SRFBP1: variants seen among roughly 807,000 people sequenced by gnomAD.
The protein encoded by SRFBP1 is serum response factor binding protein 1, also known as serum response factor-binding protein 1.
Under a neutral mutation model 45.5 loss-of-function variants are expected in SRFBP1, and 47 were observed. The ratio of observed to expected loss-of-function variants is 1.03; its 90% CI spans 0.82 to 1.32. SRFBP1 has a LOEUF of 1.32. Ranked by LOEUF, SRFBP1 falls within the 40% of genes most tolerant of loss-of-function variation. The probability of loss-of-function intolerance (pLI) is 0.00; values close to 1 mark genes in which losing one functional copy is unlikely to be tolerated. For missense variants in SRFBP1, 621 were observed against 484.6 expected (o/e 1.28, Z -2.64); for synonymous variants, 203 against 166.3 (o/e 1.22, Z -1.70).
downstream of SRFBP1, among the ~76,000 whole-genome samples, chr5:122,033,166 G>GT (rs1033074260): frequency 2.4e-3 from 353 of 148,408 alleles, 1 homozygote; most frequent in African/African-American, 7.8e-3. Context: ...ACTGGTGAGG[G>GT]TTTTTTTTTC....
chr5:121,972,104 A>G (rs1413576323), intron 1 of SRFBP1, among the ~76,000 whole-genome samples: 1 of 151,976 alleles, frequency 6.6e-6, no homozygotes, highest in Non-Finnish European at 1.5e-5. Flanking sequence ...TTTAAAAATC[A>G]GTGGGAAACA....
chr5:122,070,639 A>C (rs769622148), intron 2 of SRFBP1: 1 of 920,728 alleles, frequency 1.1e-6, no homozygotes, highest in South Asian at 1.6e-5. Context: ...TGGTCAGACT[A>C]TGATAAATAA....
chr5:122,065,788 T>G (rs960762990), intron 2 of SRFBP1: 2 of 152,070 alleles, frequency 1.3e-5, no homozygotes, highest in South Asian at 2.1e-4. Context: ...CAGTTGTGGT[T>G]TGGGGGGGAC....
At chr5:122,077,634 T>C, downstream of SRFBP1, 1 of 1,610,984 alleles carries the variant, frequency 6.2e-7, no homozygotes, top group Non-Finnish European at 8.5e-7. This position sits in a 1 kb window ranked among gnomAD's most constrained non-coding sequence, Gnocchi z 4.9. Context: ...GCGGTGGGCC[T>C]GGGGCGGCCA....
In SRFBP1 at chr5:122,020,645, G is replaced by A. The variant is rs757968503; in HGVS notation, c.910G>A (p.Val304Ile). ...RKKESSCHSS[V>I]KEQKPLEKVF... ...GAAGGAAAGTAGTTGTCATTCTTCA[G>A]TTAAGGAACAAAAACCACTAGAAAA... Residue 304 changes from valine (V) to isoleucine (I), a missense_variant, in exon 6 of 8, where the codon GTT becomes ATT. Coordinates refer to ENST00000339397, the MANE Select transcript of SRFBP1 (RefSeq NM_152546.3). 5.0e-6 allele frequency: 8 copies of A among 1,613,914 alleles called. No individual in the cohort carries two copies. The highest frequency in any genetic ancestry group is 4.0e-5 in the African/African-American group (3 of 74,934).
In SRFBP1 at chr5:122,020,397, C is replaced by T; in HGVS notation, c.662C>T (p.Thr221Ile). ...DSVVSLESQK[T>I]PADPKLKTLS... ...GTAGTTTCCCTTGAGTCCCAGAAGA[C>T]ACCTGCTGACCCAAAACTGAAAACT... is the stretch of plus-strand genomic sequence containing the variant. Residue 221 changes from threonine (T) to isoleucine (I), a missense_variant, in exon 6 of 8, where the codon ACA becomes ATA. Transcript: ENST00000339397. 2 of 1,614,068 alleles carry T rather than the reference C, an allele frequency of 1.2e-6. No homozygotes were observed. Among genetic ancestry groups the T allele is most frequent in the Non-Finnish European group, 1.7e-6 (2 of 1,179,996 alleles).
Position 122,019,441 on chromosome 5 carries a change from A to G in SRFBP1, c.352+100A>G. ...TAACTCTTGAGGTTCTATTATAAAT[A>G]TAAGTTTCTTTCAAATATTTACCAG... On this transcript the variant is annotated intron_variant, in intron 5 of 7. Transcript: ENST00000339397. The G allele has an allele frequency of 1.4e-5, 14 of 973,630 alleles. No homozygotes were observed. The South Asian group carries it at 2.3e-4, about 16-fold the overall frequency. 60.3% of individuals were successfully genotyped at this position (973,630 alleles called of 1,614,324 possible).
chr5:121,981,441 T>TAAA (rs1410744160), intron 3 of SRFBP1, among the ~76,000 whole-genome samples: 3 of 151,990 alleles, frequency 2.0e-5, no homozygotes. Context: ...CCAGTGACCT[T>TAAA]TCTGAAATGC....
chr5:121,996,953 AC>A (rs1275806970), intron 4 of SRFBP1, among the ~76,000 whole-genome samples: 2 of 138,950 alleles, frequency 1.4e-5, no homozygotes, highest in Admixed American at 1.5e-4. Context: ...CATCCAACTT[AC>A]AAGGGATGTG....
chr5:121,981,120 T>G (rs886387523), intron 3 of SRFBP1, among the ~76,000 whole-genome samples: 3 of 152,094 alleles, frequency 2.0e-5, no homozygotes, highest in African/African-American at 7.2e-5. Flanking sequence ...TGGTAGTATG[T>G]CCAGGTGTTA....
At chr5:121,972,849 GATAGA>G (rs1752227061) in intron 1 of SRFBP1, among the ~76,000 whole-genome samples, 3 of 152,024 alleles carry the variant, frequency 2.0e-5, no homozygotes, top group Admixed American at 6.6e-5. Flanking sequence ...GGATGGCTGA[GATAGA>G]ATAGATTAGG....
At chr5:122,060,238 T>C (rs1389727712) in intron 2 of SRFBP1, among the ~76,000 whole-genome samples, 2 of 152,056 alleles carry the variant, frequency 1.3e-5, no homozygotes, top group Non-Finnish European at 1.5e-5. Context: ...AGAAATCAGG[T>C]AGGTGAGCAG....
intron 3 of SRFBP1, among the ~76,000 whole-genome samples, chr5:121,991,362 T>G (rs1752617929): frequency 6.6e-6 from 1 of 152,134 alleles, no homozygotes; most frequent in African/African-American, 2.4e-5. Context: ...AAAAAATAGA[T>G]ATTGTGAGTT....
Position 122,020,716 on chromosome 5 carries a change from A to G in SRFBP1, c.981A>G (p.Arg327=), listed in dbSNP as rs141787544. 1.7e-4 allele frequency: 275 copies of G among 1,612,076 alleles called. 1 individual carries two copies. In the African/African-American group the frequency reaches 3.3e-3, roughly 19 times the overall value. The change falls in exon 6 of 8, where the codon AGA becomes AGG. Residue 327 remains arginine (R), a synonymous_variant. Coordinates refer to ENST00000339397, the MANE Select transcript of SRFBP1 (RefSeq NM_152546.3). ...CAGGTGAAACTCATGGGGATACAAG[A>G]AATGACAAAATCAAGCCAAGTACAG... The part of the protein sequence containing the change: ...EDTGETHGDT[R]NDKIKPSTET...
At position 122,074,956 on chromosome 5, in the gene SRFBP1, A is replaced by G. The variant is rs73285776; in HGVS notation, n.312-359A>G. On this transcript the variant is annotated intron_variant and non_coding_transcript_variant, in intron 2 of 2. Transcript: ENST00000504881. Reference sequence around the variant, plus strand: ...AAGGCAACCACCTTGGGCTTGATACAGGTCTTTTAAAAGATGGAAGAAGGT... The same window carrying G: ...AAGGCAACCACCTTGGGCTTGATACGGGTCTTTTAAAAGATGGAAGAAGGT... 1.1e-3 allele frequency among the ~76,000 whole-genome samples: 164 copies of G among 152,344 alleles called. 1 individual carries two copies. The highest frequency in any genetic ancestry group is 3.8e-3 in the African/African-American group (160 of 41,580).
At chr5:121,999,007 G>A (rs1247051652) in intron 4 of SRFBP1, among the ~76,000 whole-genome samples, 1 of 151,870 alleles carries the variant, frequency 6.6e-6, no homozygotes, top group Non-Finnish European at 1.5e-5. Context: ...ATTGATTTTT[G>A]CTCCATTCTA....
intron 7 of SRFBP1, among the ~76,000 whole-genome samples, chr5:122,023,662 G>C (rs577212804): frequency 2.0e-5 from 3 of 152,126 alleles, no homozygotes; most frequent in Non-Finnish European, 4.4e-5. Flanking sequence ...CACATCTGAG[G>C]TGGGTATTTA....
intron 2 of SRFBP1, among the ~76,000 whole-genome samples, chr5:122,069,013 G>A (rs969594971): frequency 6.6e-6 from 1 of 152,000 alleles, no homozygotes; most frequent in African/African-American, 2.4e-5. Context: ...TCTGTGCTGT[G>A]GGCATGTTCA....
At chr5:121,994,058 A>G (rs1342362270) in intron 3 of SRFBP1, among the ~76,000 whole-genome samples, 1 of 151,954 alleles carries the variant, frequency 6.6e-6, no homozygotes, top group Non-Finnish European at 1.5e-5. Flanking sequence ...AGATCTTGTA[A>G]TTTTATTTCC....
Sources: allele counts gnomAD v4.1 joint callset (sites outside exome capture counted in the v4.1 genomes callset), GRCh38; gene constraint gnomAD v4.1.1; non-coding constraint Gnocchi (gnomAD v3.1); transcripts MANE v1.5; gene names NCBI Gene and HGNC (gene_info 2026-07-23, HGNC 2026-07-21).